The following ARFGEF1 variants were observed in gnomAD, a reference collection of about 807,000 sequenced individuals.
ARFGEF1 encodes brefeldin A-inhibited guanine nucleotide-exchange protein 1.
A neutral mutation model predicts 231.0 loss-of-function variants in ARFGEF1; 42 were observed. The ratio of observed to expected loss-of-function variants is 0.18; its 90% CI spans 0.14 to 0.24. The LOEUF (loss-of-function observed/expected upper bound fraction) is 0.24, where lower values mean the gene tolerates loss of function less well. Among genes scored for constraint, ARFGEF1 ranks in the 10% least tolerant of loss-of-function variants. The probability of loss-of-function intolerance (pLI) is 1.00; values close to 1 mark genes in which losing one functional copy is unlikely to be tolerated. For synonymous variants in ARFGEF1, 710 were observed against 732.3 expected (o/e 0.97, Z 0.49); for missense variants, 1,345 against 2,192.0 (o/e 0.61, Z 7.72).
intron 1 of ARFGEF1, among the ~76,000 whole-genome samples, chr8:67,306,263 T>TTATAAGC (rs2128918704): frequency 6.6e-6 from 1 of 152,338 alleles, no homozygotes; most frequent in South Asian, 2.1e-4. Context: ...GGAAGGTAGC[T>TTATAAGC]TATAGAGCAT....
intron 7 of ARFGEF1, among the ~76,000 whole-genome samples, chr8:67,285,448 C>T (rs12679614): frequency 0.33 from 49,513 of 151,868 alleles, 8,344 homozygotes; most frequent in East Asian, 0.39. Flanking sequence ...GCCCAAGAGA[C>T]CGAGGGTGCA....
At chr8:67,257,997 G>A in intron 16 of ARFGEF1, 88 bp downstream of exon 16, 1 of 1,266,628 alleles carries the variant, frequency 7.9e-7, no homozygotes, top group East Asian at 2.4e-5. Context: ...CAGGGGATTA[G>A]GTCCTATTAT....
chr8:67,320,041 C>T (rs755509983), intron 1 of ARFGEF1, among the ~76,000 whole-genome samples: 48 of 151,522 alleles, frequency 3.2e-4, no homozygotes, highest in African/African-American at 1.1e-3. Context: ...GCCAACAGAG[C>T]GAAACCCTGT....
In ARFGEF1 at chr8:67,253,630, T is replaced by A; in HGVS notation, c.2527-8A>T. The A allele has an allele frequency of 1.4e-6, 2 of 1,388,096 alleles. No homozygotes were observed. The highest frequency in any genetic ancestry group is 1.9e-6 in the Non-Finnish European group (2 of 1,031,318). The allele number at this position is 1,388,096 out of a possible 1,614,324, so 86.0% of individuals were successfully genotyped here. A position where few individuals can be genotyped will look rare whatever the true frequency, so the allele number is the denominator to read the frequency against. On this transcript the variant is annotated splice_polypyrimidine_tract_variant and splice_region_variant and intron_variant, in intron 17 of 38. Coordinates refer to ENST00000262215, the MANE Select transcript of ARFGEF1 (RefSeq NM_006421.5). ...TGTCATTTTATTTTTCACCTAGATA[T>A]GAAAAACCATTATAATTCCTAAAAA...
At chr8:67,254,324 C>T (rs749643590) in intron 17 of ARFGEF1, among the ~76,000 whole-genome samples, 5 of 152,056 alleles carry the variant, frequency 3.3e-5, no homozygotes, top group Non-Finnish European at 7.4e-5. Context: ...ATAGATAAAA[C>T]CCAGAAGTCT....
chr8:67,337,150 A>AAAAAAAAAG, intron 1 of ARFGEF1, among the ~76,000 whole-genome samples: 1 of 151,686 alleles, frequency 6.6e-6, no homozygotes, highest in African/African-American at 2.4e-5. Flanking sequence ...AAAAAAAAAA[A>AAAAAAAAAG]ACAGACAAAA....
chr8:67,288,743 A>G (rs1185867026), intron 6 of ARFGEF1, among the ~76,000 whole-genome samples: 3 of 152,234 alleles, frequency 2.0e-5, no homozygotes, highest in South Asian at 4.1e-4. Context: ...AAAAAAAAAA[A>G]GTAATTAAAG....
chr8:67,331,575 TTACAG>T (rs1808100800), intron 1 of ARFGEF1, among the ~76,000 whole-genome samples: 1 of 152,178 alleles, frequency 6.6e-6, no homozygotes, highest in African/African-American at 2.4e-5. Flanking sequence ...GCCACCCAGT[TTACAG>T]TATTCTGTTA....
intron 7 of ARFGEF1, among the ~76,000 whole-genome samples, chr8:67,280,281 A>G (rs1805480923): frequency 6.6e-6 from 1 of 152,238 alleles, no homozygotes; most frequent in Non-Finnish European, 1.5e-5. Flanking sequence ...ATGTCTATCA[A>G]TAGAGCTGAC....
In ARFGEF1 at chr8:67,239,253, G is replaced by A. The variant is rs148365352; in HGVS notation, c.2980-360C>T. Reference sequence around the variant, plus strand: ...GAACTCCTGATCTCGTGATCTGCCCGCCTCGACCTCCCAAAGTGCTGGGAT... The same window carrying A: ...GAACTCCTGATCTCGTGATCTGCCCACCTCGACCTCCCAAAGTGCTGGGAT... On this transcript the variant is annotated intron_variant, in intron 20 of 38. Coordinates refer to ENST00000262215, the MANE Select transcript of ARFGEF1 (RefSeq NM_006421.5). Among the ~76,000 whole-genome samples, 208 of 151,966 alleles carry A rather than the reference G, an allele frequency of 1.4e-3. 2 individuals carry two copies. Among genetic ancestry groups the A allele is most frequent in the African/African-American group, 4.8e-3 (199 of 41,462 alleles).
intron 38 of ARFGEF1, 147 bp downstream of exon 38, chr8:67,200,249 G>A (rs770384670): frequency 7.0e-6 from 5 of 709,494 alleles, no homozygotes; most frequent in Middle Eastern, 2.3e-4. Flanking sequence ...ATACAGCAAG[G>A]CCACTGGTGG....
intron 14 of ARFGEF1, among the ~76,000 whole-genome samples, chr8:67,260,533 C>G (rs1309541042): frequency 6.6e-6 from 1 of 152,144 alleles, no homozygotes; most frequent in Non-Finnish European, 1.5e-5. Context: ...GTGACACAAA[C>G]CACGTCCATA....
intron 10 of ARFGEF1, among the ~76,000 whole-genome samples, chr8:67,269,232 AATCAC>A (rs1804970998): frequency 6.6e-6 from 1 of 152,154 alleles, no homozygotes; most frequent in South Asian, 2.1e-4. Context: ...CCCATGAAAA[AATCAC>A]ATCACAGAAA....
At chr8:67,334,836 C>A (rs1808269120) in intron 1 of ARFGEF1, among the ~76,000 whole-genome samples, 1 of 152,028 alleles carries the variant, frequency 6.6e-6, no homozygotes, top group Non-Finnish European at 1.5e-5. Flanking sequence ...CATGAAATGT[C>A]CAGAAAAGGC....
intron 6 of ARFGEF1, among the ~76,000 whole-genome samples, chr8:67,291,454 T>C (rs752814192): frequency 4.0e-5 from 6 of 151,426 alleles, no homozygotes; most frequent in Non-Finnish European, 5.9e-5. Context: ...TTTTTAAAAC[T>C]GGTAATGATT....
At chr8:67,218,203 A>T (rs1240116215) in intron 30 of ARFGEF1, 65 bp from the exon 31 acceptor site, 215 of 166,960 alleles carry the variant, frequency 1.3e-3, no homozygotes, top group African/African-American at 5.9e-3. Flanking sequence ...AAAAAAAAAA[A>T]AAAAATATAT....
intron 34 of ARFGEF1, 137 bp from the exon 35 acceptor site, chr8:67,204,956 C>T (rs1219137264): frequency 1.0e-6 from 1 of 998,778 alleles, no homozygotes; most frequent in South Asian, 1.7e-5. Context: ...ACTGCTTTTG[C>T]ACACAGGCAC....
Position 67,343,666 on chromosome 8 carries a change from C to CA in ARFGEF1, c.-380dup, listed in dbSNP as rs1808766124. 5 of 969,352 alleles carry CA rather than the reference C, an allele frequency of 5.2e-6. No individual in the cohort carries two copies. In the South Asian group the frequency reaches 2.2e-4, roughly 43 times the overall value. 60.0% of individuals were successfully genotyped at this position (969,352 alleles called of 1,614,324 possible). ...TGAGGGACGAGGTGGCGGCGGCTCT[C>CA]AGAGGCACCGCGAGAGAAGGGCTAC... is the stretch of plus-strand genomic sequence containing the variant. On this transcript the variant is annotated 5_prime_UTR_variant, in exon 1 of 39. The change abolishes the stop of an existing upstream ORF in the 5' untranslated region. Transcript: ENST00000262215.
intron 7 of ARFGEF1, among the ~76,000 whole-genome samples, chr8:67,277,680 C>T (rs147043439): frequency 6.6e-6 from 1 of 152,274 alleles, no homozygotes; most frequent in East Asian, 1.9e-4. Flanking sequence ...ACACACTTAG[C>T]TGATGAAAGG....
Sources: allele counts gnomAD v4.1 joint callset (sites outside exome capture counted in the v4.1 genomes callset), GRCh38; gene constraint gnomAD v4.1.1; transcripts MANE v1.5; gene names NCBI Gene and HGNC (gene_info 2026-07-23, HGNC 2026-07-21).